The following FLT1 variants were observed in gnomAD, a reference collection of about 807,000 sequenced individuals.
FLT1 encodes the protein fms related receptor tyrosine kinase 1, also known as vascular endothelial growth factor receptor 1.
In FLT1, 49 loss-of-function variants were observed where a neutral mutation model predicts 156.3. The ratio of observed to expected loss-of-function variants is 0.31; its 90% CI spans 0.25 to 0.40. The LOEUF is 0.40. Ranked by LOEUF, FLT1 falls within the 10% of genes least tolerant of loss-of-function variation. The pLI, the probability that FLT1 is intolerant of heterozygous loss-of-function variation, is 1.00. For missense variants in FLT1, 1,322 were observed against 1,637.2 expected (o/e 0.81, Z 3.32); for synonymous variants, 594 against 583.8 (o/e 1.02, Z -0.25).
chr13:28,321,733 C>T, intron 22 of FLT1, 148 bp from the exon 23 acceptor site: 1 of 770,620 alleles, frequency 1.3e-6, no homozygotes, highest in Non-Finnish European at 2.2e-6. Flanking sequence ...TTACCATAAA[C>T]ATGAAGAGCC....
chr13:28,341,522 A>G (rs3794401), intron 16 of FLT1, among the ~76,000 whole-genome samples: 22,819 of 152,232 alleles, frequency 0.15, 1,986 homozygotes, highest in African/African-American at 0.23. Flanking sequence ...ATCAAATGAA[A>G]TAATCCATGG....
intron 1 of FLT1, among the ~76,000 whole-genome samples, chr13:28,477,961 T>A (rs2137648684): frequency 6.6e-6 from 1 of 152,372 alleles, no homozygotes. Flanking sequence ...TATGTGAGAC[T>A]AAATATACAG....
chr13:28,427,173 A>T lies in FLT1; in HGVS notation c.1422T>A (p.Asn474Lys), dbSNP rs200003810. The change falls in exon 10 of 30, where the codon AAT (asparagine) becomes AAA (lysine). Residue 474 changes from asparagine to lysine, a missense_variant. Coordinates refer to ENST00000282397, the MANE Select transcript of FLT1 (RefSeq NM_002019.4). ...IKWFWHPCNH[N>K]HSEARCDFCS... Reference sequence around the variant, plus strand: ...ACTGTCCCTACCTTGCTTCGGAATGATTATGGTTACAGGGGTGCCAGAACC... The same window carrying T: ...ACTGTCCCTACCTTGCTTCGGAATGTTTATGGTTACAGGGGTGCCAGAACC... The T allele has an allele frequency of 2.5e-6, 4 of 1,614,082 alleles. No individual in the cohort carries two copies. Among genetic ancestry groups the T allele is most frequent in the Non-Finnish European group, 2.5e-6 (3 of 1,179,924 alleles).
intron 14 of FLT1, among the ~76,000 whole-genome samples, chr13:28,373,740 G>A (rs565406549): frequency 2.6e-4 from 40 of 152,158 alleles, no homozygotes; most frequent in African/African-American, 7.5e-4. Flanking sequence ...CTCACTCTAA[G>A]AGCCCAGGCA....
chr13:28,454,626 C>T (rs1448214291), intron 3 of FLT1, among the ~76,000 whole-genome samples: 3 of 152,180 alleles, frequency 2.0e-5, no homozygotes, highest in Non-Finnish European at 4.4e-5. Context: ...TACTTTCCAA[C>T]ATCACACTGG....
intron 13 of FLT1, chr13:28,387,483 A>C (rs1211315528): frequency 9.4e-7 from 1 of 1,059,896 alleles, no homozygotes; most frequent in Non-Finnish European, 1.1e-6. Context: ...GATCCCTTCA[A>C]ATTGAGAAAA....
rs755750116 is a variant in FLT1 at position 28,438,307 on chromosome 13, G to A, written c.427C>T (p.Pro143Ser). 4 of 1,611,572 alleles carry A rather than the reference G, an allele frequency of 2.5e-6. No individual in the cohort carries two copies. The highest frequency in any genetic ancestry group is 3.4e-6 in the Non-Finnish European group (4 of 1,177,860). ...RPFVEMYSEI[P>S]EIIHMTEGRE... The stretch of plus-strand genomic sequence containing the variant: ...CCTTCAGTCATGTGTATAATTTCGG[G>A]GATTTCACTGTACATCTCTACGAAA... The change falls in exon 4 of 30, where the codon CCC becomes TCC. Residue 143 changes from proline to serine, a missense_variant. Physicochemically the swap from Pro to Ser is moderately conservative, Grantham distance 74. This residue lies in a region of FLT1 where 991 missense variants were observed against 1,254.8 expected (regional missense o/e 0.79). Transcript: ENST00000282397.
intron 14 of FLT1, among the ~76,000 whole-genome samples, chr13:28,372,456 T>G (rs1259410137): frequency 1.3e-5 from 2 of 150,922 alleles, no homozygotes; most frequent in Non-Finnish European, 3.0e-5. Flanking sequence ...ATTGACAAGA[T>G]ACATATCAAA....
At chr13:28,397,249 C>A (rs1414439227) in intron 11 of FLT1, among the ~76,000 whole-genome samples, 181 bp from the exon 12 acceptor site, 1 of 152,154 alleles carries the variant, frequency 6.6e-6, no homozygotes, top group Non-Finnish European at 1.5e-5. Context: ...GGAAAAATAA[C>A]AGGAAAGCAG....
At chr13:28,471,562 C>A (rs1405589806) in intron 1 of FLT1, among the ~76,000 whole-genome samples, 1 of 152,130 alleles carries the variant, frequency 6.6e-6, no homozygotes, top group Non-Finnish European at 1.5e-5. Context: ...TGTGTATGTA[C>A]GTACCCATAA....
chr13:28,329,546 G>T, intron 19 of FLT1, 69 bp downstream of exon 19: 1 of 1,129,242 alleles, frequency 8.9e-7, no homozygotes, highest in Non-Finnish European at 1.3e-6. Context: ...AGAAGGAGCT[G>T]TAAGGCAGAG....
chr13:28,428,026 C>A (rs1260964417), intron 8 of FLT1, 105 bp from the exon 9 acceptor site: 2 of 944,680 alleles, frequency 2.1e-6, no homozygotes, highest in Admixed American at 1.8e-5. Context: ...CAATTTCAAA[C>A]CTTTGATCAT....
intron 24 of FLT1, among the ~76,000 whole-genome samples, chr13:28,318,362 A>G (rs938078609): frequency 7.2e-5 from 11 of 152,018 alleles, no homozygotes; most frequent in African/African-American, 2.7e-4. Flanking sequence ...GGCGCCAGAG[A>G]GGCCTAGGCT....
At chr13:28,462,382 T>A (rs746957514) in intron 3 of FLT1, among the ~76,000 whole-genome samples, 3 of 152,172 alleles carry the variant, frequency 2.0e-5, no homozygotes, top group Non-Finnish European at 2.9e-5. Flanking sequence ...CTCCTTTCTC[T>A]CTCCAAGGGG....
intron 1 of FLT1, among the ~76,000 whole-genome samples, chr13:28,471,114 A>T (rs1295311303): frequency 1.3e-5 from 2 of 150,392 alleles, no homozygotes; most frequent in South Asian, 2.1e-4. Context: ...ACTGACAAAA[A>T]TGGGGTTATT....
intron 14 of FLT1, among the ~76,000 whole-genome samples, chr13:28,372,048 G>GTATA (rs1169072431): frequency 1.3e-4 from 10 of 75,580 alleles, no homozygotes; most frequent in Non-Finnish European, 1.7e-4. Flanking sequence ...GTGTGTGTGT[G>GTATA]TATATATATA....
chr13:28,455,573 C>T (rs1432159428), intron 3 of FLT1, among the ~76,000 whole-genome samples: 2 of 152,126 alleles, frequency 1.3e-5, no homozygotes, highest in African/African-American at 2.4e-5. Flanking sequence ...AGATGAACTT[C>T]GGTATGACAA....
Position 28,311,994 on chromosome 13 carries a change from T to C in FLT1, c.3491A>G (p.Gln1164Arg), listed in dbSNP as rs777732747. 7.5e-6 allele frequency: 12 copies of C among 1,602,542 alleles called. No homozygotes were observed. The East Asian group carries it at 2.7e-4, about 36-fold the overall frequency. The change falls in exon 26 of 30, where the codon CAG (glutamine) becomes CGG (arginine). Residue 1164 changes from glutamine to arginine, a missense_variant and splice_region_variant. Coordinates refer to ENST00000282397, the MANE Select transcript of FLT1 (RefSeq NM_002019.4). The part of the protein sequence containing the change: ...LGDLLQANVQ[Q>R]DGKDYIPINA... ...TGATGTAAATAAATTTAGTTTTACCTGTTGTACATTTGCTTGAAGCAAATC... is the reference window on the plus strand; with the variant it reads ...TGATGTAAATAAATTTAGTTTTACCCGTTGTACATTTGCTTGAAGCAAATC...
intron 18 of FLT1, 53 bp downstream of exon 18, chr13:28,333,972 G>A: frequency 9.0e-7 from 1 of 1,109,106 alleles, no homozygotes; most frequent in Non-Finnish European, 1.4e-6. Context: ...CCAACATTTA[G>A]GAAATGCAAA....
Sources: gnomAD v4.1 joint callset for allele counts (sites outside exome capture counted in the v4.1 genomes callset) on GRCh38, gnomAD v4.1.1 for gene constraint, gnomAD v4.1.1 regional missense constraint, MANE v1.5 for transcripts, NCBI Gene and HGNC (gene_info 2026-07-23, HGNC 2026-07-21) for gene names.